HOOK2: variants seen among roughly 807,000 people sequenced by gnomAD.
The protein encoded by HOOK2 is hook microtubule tethering protein 2.
HOOK2 carries 108 observed loss-of-function variants against 111.9 expected under a neutral mutation model. The ratio of observed to expected loss-of-function variants is 0.96; its 90% CI spans 0.83 to 1.13. HOOK2 has a LOEUF of 1.13. HOOK2 is among the 50% of genes most tolerant of loss of function. HOOK2 has a pLI of 0.00. For synonymous variants in HOOK2, 405 were observed against 394.3 expected (o/e 1.03, Z -0.32); for missense variants, 978 against 951.3 (o/e 1.03, Z -0.37).
rs1029741451 is a variant in HOOK2 at position 12,790,200 on chromosome 19, C to A, written n.42-15975G>T. On this transcript the variant is annotated intron_variant and non_coding_transcript_variant, in intron 3 of 3. Coordinates refer to the HOOK2 transcript ENST00000589765. This position sits in a 1 kb window ranked among gnomAD's most constrained non-coding sequence, Gnocchi z 7.2. ...GGGCGGGCTCCAAGCACCCGGGCCTCCGCGGGGGCTCGCACGCCCAGGTTC... is the reference window on the plus strand; with the variant it reads ...GGGCGGGCTCCAAGCACCCGGGCCTACGCGGGGGCTCGCACGCCCAGGTTC... Among the ~76,000 whole-genome samples, 1 of 152,220 alleles carries A rather than the reference C, an allele frequency of 6.6e-6. No homozygotes were observed. Among genetic ancestry groups the A allele is most frequent in the Non-Finnish European group, 1.5e-5 (1 of 68,028 alleles).
intron 14 of HOOK2, 30 bp from the exon 15 acceptor site, chr19:12,766,270 A>G (rs1275021790): frequency 1.3e-6 from 2 of 1,517,100 alleles, no homozygotes; most frequent in South Asian, 1.2e-5. Flanking sequence ...GAGCAGGGCC[A>G]GGGTCGAGTC....
chr19:12,779,786 G>T (rs1325248139), upstream of HOOK2, among the ~76,000 whole-genome samples: 3 of 152,012 alleles, frequency 2.0e-5, no homozygotes, highest in African/African-American at 7.2e-5. Flanking sequence ...TGATGGGGGG[G>T]AGGGCTGGTT....
In HOOK2 at chr19:12,763,207, C is replaced by A; in HGVS notation, c.*75G>T. 6.5e-7 allele frequency: 1 copy of A among 1,534,242 alleles called. No individual in the cohort carries two copies. Reference sequence around the variant, plus strand: ...AAAGCTCTCGAGCACCTGGCTGAAGCCCAGTGCTGGGCGCCATGTGAGCTG... The same window carrying A: ...AAAGCTCTCGAGCACCTGGCTGAAGACCAGTGCTGGGCGCCATGTGAGCTG... On this transcript the variant is annotated 3_prime_UTR_variant, in exon 23 of 23. Transcript: ENST00000397668.
At chr19:12,789,487 C>T (rs923820794) in intron 3 of HOOK2, among the ~76,000 whole-genome samples, 1 of 152,142 alleles carries the variant, frequency 6.6e-6, no homozygotes, top group Admixed American at 6.5e-5. Context: ...TAGGATGGGA[C>T]CTGCAGACTA....
At position 12,763,422 on chromosome 19, in the gene HOOK2, A is replaced by AG; in HGVS notation, c.2019dup (p.Gln675AlafsTer43). 1 of 1,613,952 alleles carries AG rather than the reference A, an allele frequency of 6.2e-7. No individual in the cohort carries two copies. Among genetic ancestry groups the AG allele is most frequent in the Non-Finnish European group, 8.5e-7 (1 of 1,179,932 alleles). ...CGCTCCTCCCCAGCTCGCTGCTGCA[A>AG]GGCCATGCCCTTCAGGAGGAGGTGT... On this transcript the variant is annotated frameshift_variant, in exon 23 of 23. Coordinates refer to ENST00000397668, the MANE Select transcript of HOOK2 (RefSeq NM_013312.3). LOFTEE classifies it high-confidence loss of function.
upstream of HOOK2, among the ~76,000 whole-genome samples, chr19:12,779,779 T>C (rs1243503313): frequency 8.9e-6 from 1 of 112,638 alleles, no homozygotes; most frequent in Non-Finnish European, 1.8e-5. Context: ...CCTGATTTGA[T>C]GGGGGGGAGG....
rs753132354 is a variant in HOOK2, at chr19:12,763,777, A to G, written c.1829T>C (p.Val610Ala). ...CTGCTTGGGTTCCATGGTCTGCATG[A>G]CCTACAGGTTGAGGAAGTCATAGCC... ...YRRYVDKARM[V>A]MQTMEPKQRP... The change falls in exon 21 of 23, where the codon GTC (valine) becomes GCC (alanine). Residue 610 changes from valine (V) to alanine (A), a missense_variant and splice_region_variant. Physicochemically the swap from Val to Ala is moderately conservative, Grantham distance 64. This residue lies in a region of HOOK2 where 277 missense variants were observed against 265.8 expected (regional missense o/e 1.04). Coordinates refer to ENST00000397668, the MANE Select transcript of HOOK2 (RefSeq NM_013312.3). 4.6e-5 allele frequency: 75 copies of G among 1,613,502 alleles called. No homozygotes were observed. The highest frequency in any genetic ancestry group is 6.2e-5 in the Non-Finnish European group (73 of 1,179,632).
chr19:12,767,774 A>G, intron 13 of HOOK2, 42 bp downstream of exon 13: 1 of 1,562,486 alleles, frequency 6.4e-7, no homozygotes. Context: ...CCCAAACAGT[A>G]CACCAGGACA....
intron 20 of HOOK2, among the ~76,000 whole-genome samples, chr19:12,764,061 C>T (rs2145719324): frequency 6.6e-6 from 1 of 152,276 alleles, no homozygotes; most frequent in South Asian, 2.1e-4. Flanking sequence ...GTTGCCCAGC[C>T]TGGAGTGAAG....
chr19:12,768,147 AAG>A (rs1326926591), intron 11 of HOOK2, 24 bp from the exon 12 acceptor site: 2 of 1,600,002 alleles, frequency 1.3e-6, no homozygotes, highest in Non-Finnish European at 1.7e-6. Flanking sequence ...GGGGAGGAAT[AAG>A]GACAGCAGGG....
intron 3 of HOOK2, among the ~76,000 whole-genome samples, chr19:12,784,142 G>A (rs982576814): frequency 5.3e-5 from 8 of 152,160 alleles, no homozygotes; most frequent in Non-Finnish European, 1.0e-4. Context: ...GACAGACGGA[G>A]GAGGGTCAGC....
intron 3 of HOOK2, among the ~76,000 whole-genome samples, chr19:12,785,603 C>G (rs1405645865): frequency 6.6e-6 from 1 of 152,188 alleles, no homozygotes; most frequent in Non-Finnish European, 1.5e-5. Flanking sequence ...TGGAACAGAA[C>G]TCTACACAGA....
Position 12,791,642 on chromosome 19 carries a change from C to T in HOOK2, n.42-17417G>A. 1 of 630,522 alleles carries T rather than the reference C, an allele frequency of 1.6e-6. No homozygotes were observed. The highest frequency in any genetic ancestry group is 3.2e-5 in the East Asian group (1 of 31,744). 39.1% of individuals were successfully genotyped at this position (630,522 alleles called of 1,614,324 possible). ...CAGCTGCCGGCTGGCTGCTACCCGC[C>T]CGCGCCAGCCCCCGAGAACGCGCGA... On this transcript the variant is annotated intron_variant and non_coding_transcript_variant, in intron 3 of 3. Coordinates refer to the HOOK2 transcript ENST00000589765. This position sits in a 1 kb window ranked among gnomAD's most constrained non-coding sequence, Gnocchi z 7.0.
In HOOK2 at chr19:12,767,095, G is replaced by A. The variant is rs1449526023; in HGVS notation, c.1373+300C>T. Among the ~76,000 whole-genome samples the A allele has an allele frequency of 2.6e-5, 4 of 152,150 alleles. No individual in the cohort carries two copies. In the East Asian group the frequency reaches 7.7e-4, roughly 29 times the overall value. On this transcript the variant is annotated intron_variant, in intron 14 of 22. Coordinates refer to ENST00000397668, the MANE Select transcript of HOOK2 (RefSeq NM_013312.3). The stretch of plus-strand genomic sequence containing the variant: ...AAACTCACAGAGGTTACACTAACAG[G>A]GGTGGACGCTGGGGGAAAGGATCAA...
At chr19:12,769,745 G>T in intron 11 of HOOK2, 136 bp downstream of exon 11, 1 of 647,952 alleles carries the variant, frequency 1.5e-6, no homozygotes, top group Non-Finnish European at 2.4e-6. Flanking sequence ...AGCAGCGTGG[G>T]TGGAGGGAAG....
chr19:12,773,816 C>A (rs1461291908), intron 3 of HOOK2: 2 of 152,962 alleles, frequency 1.3e-5, no homozygotes, highest in African/African-American at 4.8e-5. Context: ...ACACCCCCAC[C>A]ATGGCCTGCC....
In HOOK2 at chr19:12,767,910, G is replaced by A; in HGVS notation, c.1216-7C>T. 2 of 1,611,358 alleles carry A rather than the reference G, an allele frequency of 1.2e-6. No individual in the cohort carries two copies. The highest frequency in any genetic ancestry group is 2.2e-5 in the East Asian group (1 of 44,848). ...CCCGCTCCGCCAACAGCCGCTGCAG[G>A]GACAGGGTACAAGACACTCCACGGG... On this transcript the variant is annotated splice_region_variant and splice_polypyrimidine_tract_variant and intron_variant, in intron 12 of 22. Transcript: ENST00000397668.
At chr19:12,788,353 A>C (rs1383719694) in intron 3 of HOOK2, among the ~76,000 whole-genome samples, 1 of 152,220 alleles carries the variant, frequency 6.6e-6, no homozygotes, top group African/African-American at 2.4e-5. Context: ...TATGTTAACC[A>C]CTTAGAAGAG....
At chr19:12,789,917 A>C (rs2145803042) in intron 3 of HOOK2, among the ~76,000 whole-genome samples, 1 of 152,152 alleles carries the variant, frequency 6.6e-6, no homozygotes, top group Non-Finnish European at 1.5e-5. Context: ...TCGGGGCCCC[A>C]GGACAGCGCT....
Sources: allele counts gnomAD v4.1 joint callset (sites outside exome capture counted in the v4.1 genomes callset), GRCh38; gene constraint gnomAD v4.1.1; regional missense constraint gnomAD v4.1.1; non-coding constraint Gnocchi (gnomAD v3.1); transcripts MANE v1.5; gene names NCBI Gene and HGNC (gene_info 2026-07-23, HGNC 2026-07-21).